The following SGCD variants were observed in gnomAD, a reference collection of about 807,000 sequenced individuals.
SGCD encodes delta-sarcoglycan.
Under a neutral mutation model 36.6 loss-of-function variants are expected in SGCD, and 18 were observed. That is an observed-to-expected ratio of 0.49 (90% CI 0.34 to 0.73). The LOEUF (loss-of-function observed/expected upper bound fraction) is 0.73. Ranked by LOEUF, SGCD falls within the 30% of genes least tolerant of loss-of-function variation. The probability of loss-of-function intolerance (pLI) is 0.01; values close to 1 mark genes in which losing one functional copy is unlikely to be tolerated. For synonymous variants in SGCD, 133 were observed against 130.6 expected (o/e 1.02, Z -0.12); for missense variants, 387 against 346.7 (o/e 1.12, Z -0.92).
At chr5:156,155,892 C>T (rs542761972) in intron 3 of SGCD, among the ~76,000 whole-genome samples, 1 of 151,708 alleles carries the variant, frequency 6.6e-6, no homozygotes, top group Non-Finnish European at 1.5e-5. Context: ...CCTTGCTGCA[C>T]AGGCAGCACA....
chr5:156,692,930 C>T lies in SGCD; in HGVS notation c.575+45394C>T, dbSNP rs1361673795. Among the ~76,000 whole-genome samples the T allele has an allele frequency of 3.3e-5, 5 of 152,150 alleles. No homozygotes were observed. In the South Asian group the frequency reaches 1.0e-3, roughly 31 times the overall value. ...TCAGGCTCAGCTTGCAATTATTATG[C>T]ACTAACCGTGTGCCAGACACTATAC... On this transcript the variant is annotated intron_variant, in intron 7 of 8. Transcript: ENST00000337851.
At chr5:156,122,705 G>A (rs751398018) in intron 2 of SGCD, among the ~76,000 whole-genome samples, 12 of 151,688 alleles carry the variant, frequency 7.9e-5, no homozygotes, top group Non-Finnish European at 1.3e-4. Context: ...TGAGTGAGGT[G>A]GAAGGTTTTG....
At chr5:155,758,026 A>G in the SGCD span, among the ~76,000 whole-genome samples, 2 of 152,054 alleles carry the variant, frequency 1.3e-5, no homozygotes, top group Non-Finnish European at 2.9e-5. Context: ...CTCCAGCTAC[A>G]CAGAACTGTG....
rs560365299 is a variant in SGCD at position 156,764,582 on chromosome 5, G to C, written c.*5192G>C. 6.5e-6 allele frequency: 1 copy of C among 152,700 alleles called. No homozygotes were observed. Among genetic ancestry groups the C allele is most frequent in the South Asian group, 2.1e-4 (1 of 4,826 alleles). 9.5% of individuals were successfully genotyped at this position (152,700 alleles called of 1,614,324 possible). On this transcript the variant is annotated 3_prime_UTR_variant, in exon 9 of 9. Coordinates refer to ENST00000337851, the MANE Select transcript of SGCD (RefSeq NM_000337.6). ...GAGGTCCTCCTTTTGAGTATTGTTAGAGCATACATGTAAAAGAAAATAACC... is the reference window on the plus strand; with the variant it reads ...GAGGTCCTCCTTTTGAGTATTGTTACAGCATACATGTAAAAGAAAATAACC...
At chr5:156,261,673 G>C (rs1345214116) in intron 3 of SGCD, among the ~76,000 whole-genome samples, 4 of 152,156 alleles carry the variant, frequency 2.6e-5, no homozygotes, top group Non-Finnish European at 5.9e-5. Flanking sequence ...TGTCGTTCAG[G>C]AGGTATTACA....
chr5:156,003,916 A>G (rs550576926), intron 1 of SGCD, among the ~76,000 whole-genome samples: 2 of 152,322 alleles, frequency 1.3e-5, no homozygotes, highest in South Asian at 4.1e-4. Context: ...GTAACAGATC[A>G]AAGCATCAGG....
intron 3 of SGCD, among the ~76,000 whole-genome samples, chr5:156,436,408 A>T (rs1236220680): frequency 6.6e-6 from 1 of 152,258 alleles, no homozygotes. Flanking sequence ...TATTGAAATC[A>T]GTTGTCAAGT....
At chr5:155,971,672 C>G (rs530194980) in intron 1 of SGCD, among the ~76,000 whole-genome samples, 3 of 152,174 alleles carry the variant, frequency 2.0e-5, no homozygotes, top group Non-Finnish European at 4.4e-5. Flanking sequence ...AATATATCTT[C>G]AGAAGATATA....
intron 3 of SGCD, among the ~76,000 whole-genome samples, chr5:156,500,762 T>C (rs916813164): frequency 1.3e-5 from 2 of 152,214 alleles, no homozygotes; most frequent in Non-Finnish European, 2.9e-5. Context: ...CTAGGAGTCC[T>C]GGGCATGGGG....
intron 7 of SGCD, among the ~76,000 whole-genome samples, chr5:156,743,824 C>CTAT (rs1218477249): frequency 3.9e-5 from 6 of 152,174 alleles, no homozygotes; most frequent in African/African-American, 1.2e-4. Context: ...ACTTAAATAC[C>CTAT]TGTTTCAGAT....
chr5:156,643,467 T>C (rs1763116992), intron 6 of SGCD, among the ~76,000 whole-genome samples: 1 of 152,086 alleles, frequency 6.6e-6, no homozygotes, highest in Non-Finnish European at 1.5e-5. Context: ...AACTTTGGGT[T>C]CACCAACATA....
intron 3 of SGCD, among the ~76,000 whole-genome samples, chr5:156,199,514 G>A (rs1032710449): frequency 2.0e-5 from 3 of 152,090 alleles, no homozygotes; most frequent in African/African-American, 7.2e-5. Context: ...TGTTAGTAAT[G>A]GTAGTAGAAG....
At position 156,049,927 on chromosome 5, in the gene SGCD, T is replaced by C. The variant is rs931817008; in HGVS notation, c.-281-67951T>C. ...TGACTGAAGTGCTGAAATCTCATGA[T>C]AAAACTTGAATGGATGAGGATTTGC... On this transcript the variant is annotated intron_variant, in intron 1 of 9. Transcript: ENST00000517913. 1.4e-4 allele frequency among the ~76,000 whole-genome samples: 21 copies of C among 146,674 alleles called. 5 individuals carry two copies. The highest frequency in any genetic ancestry group is 1.1e-3 in the Admixed American group (16 of 14,732).
intron 3 of SGCD, among the ~76,000 whole-genome samples, chr5:156,205,792 T>C (rs1764260724): frequency 2.6e-5 from 4 of 151,870 alleles, no homozygotes; most frequent in Admixed American, 2.6e-4. Flanking sequence ...GAGGATAAAT[T>C]GTACTTGGGG....
intron 4 of SGCD, among the ~76,000 whole-genome samples, chr5:156,585,400 C>A (rs1325608666): frequency 6.6e-6 from 1 of 152,184 alleles, no homozygotes; most frequent in East Asian, 1.9e-4. Context: ...TTGATGCCTG[C>A]TGAAGAAAAA....
chr5:156,449,677 C>CAAAAAAAAAAAAAAAA (rs397883573), intron 3 of SGCD, among the ~76,000 whole-genome samples: 7 of 46,052 alleles, frequency 1.5e-4, no homozygotes, highest in Non-Finnish European at 2.3e-4. Flanking sequence ...ACTAAAAATA[C>CAAAAAAAAAAAAAAAA]AAAAAAAAAA....
rs184221925 is a variant in SGCD at position 156,293,065 on chromosome 5, C to T, written c.-43-36469C>T. Among the ~76,000 whole-genome samples the T allele has an allele frequency of 3.3e-5, 5 of 151,510 alleles. No individual in the cohort carries two copies. In the East Asian group the frequency reaches 5.8e-4, roughly 18 times the overall value. On this transcript the variant is annotated intron_variant, in intron 3 of 9. Transcript: ENST00000517913. Reference sequence around the variant, plus strand: ...CCATTCTGAGGGTTGCCTTTCTTTTCTGTTTTTTTTTAGAGGTGGGGTCTT... The same window carrying T: ...CCATTCTGAGGGTTGCCTTTCTTTTTTGTTTTTTTTTAGAGGTGGGGTCTT...
chr5:155,854,316 T>A, the SGCD span, among the ~76,000 whole-genome samples: 24 of 152,186 alleles, frequency 1.6e-4, 1 homozygote, highest in Non-Finnish European at 3.4e-4. Flanking sequence ...CAGGGGAAAT[T>A]ATTACTGGGG....
chr5:156,572,545 C>A (rs1453090942), intron 4 of SGCD, among the ~76,000 whole-genome samples: 1 of 151,974 alleles, frequency 6.6e-6, no homozygotes, highest in Non-Finnish European at 1.5e-5. Flanking sequence ...GGGCTTGGAG[C>A]AAAAGAGTCA....
Sources: gnomAD v4.1 joint callset for allele counts (sites outside exome capture counted in the v4.1 genomes callset) on GRCh38, gnomAD v4.1.1 for gene constraint, MANE v1.5 for transcripts, NCBI Gene and HGNC (gene_info 2026-07-23, HGNC 2026-07-21) for gene names.